Variants in C22orf31 observed in about 807,000 individuals in gnomAD.
C22orf31 encodes the protein uncharacterized protein C22orf31.
C22orf31 carries 11 observed loss-of-function variants against 15.0 expected under a neutral mutation model. That is an observed-to-expected ratio of 0.73 (90% CI 0.46 to 1.21). C22orf31 has a LOEUF of 1.21. Among genes scored for constraint, C22orf31 ranks in the 50% most tolerant of loss-of-function variants. The probability of loss-of-function intolerance (pLI) is 0.00; values close to 1 mark genes in which losing one functional copy is unlikely to be tolerated. For synonymous variants in C22orf31, 132 were observed against 133.3 expected, an observed-to-expected ratio of 0.99 and a Z score of 0.07; for missense variants, 340 against 347.2, an observed-to-expected ratio of 0.98 and a Z score of 0.17.
chr22:29,068,759 CTTTTTT>C, the C22orf31 span, among the ~76,000 whole-genome samples: 55,034 of 113,096 alleles, frequency 0.49, 12,573 homozygotes, highest in Middle Eastern at 0.66. Flanking sequence ...CAACCTGGTA[CTTTTTT>C]TTTTTTTTTT....
intron 2 of C22orf31, chr22:29,060,165 G>A: frequency 4.6e-6 from 1 of 217,436 alleles, no homozygotes; most frequent in Non-Finnish European, 7.7e-6. Flanking sequence ...CCAAGTAGCT[G>A]GGATCACAGG....
chr22:29,060,947 A>T lies in C22orf31; in HGVS notation c.4-104T>A, dbSNP rs1569304541. On this transcript the variant is annotated intron_variant, in intron 1 of 2. Transcript: ENST00000216071. Reference sequence around the variant, plus strand: ...AAATATTAACATCTTTTTATAGGCCATTCCTTCCACCCAGTTCTTAGAAAT... The same window carrying T: ...AAATATTAACATCTTTTTATAGGCCTTTCCTTCCACCCAGTTCTTAGAAAT... The T allele has an allele frequency of 3.2e-6, 3 of 947,534 alleles. No individual in the cohort carries two copies. In the South Asian group the frequency reaches 4.8e-5, roughly 15 times the overall value. The allele number at this position is 947,534 out of a possible 1,614,324, so 58.7% of individuals were successfully genotyped here. A position where few individuals can be genotyped will look rare whatever the true frequency, so the allele number is the denominator to read the frequency against.
chr22:29,073,414 G>A, the C22orf31 span, among the ~76,000 whole-genome samples: 91 of 151,590 alleles, frequency 6.0e-4, no homozygotes, highest in African/African-American at 2.0e-3. This position sits in a 1 kb window ranked among gnomAD's most constrained non-coding sequence, Gnocchi z 4.4. Context: ...CCCCAGGCCC[G>A]TCATCGACGC....
the C22orf31 span, chr22:29,072,972 G>C: frequency 6.6e-6 from 1 of 150,698 alleles, no homozygotes; most frequent in Non-Finnish European, 1.5e-5. Flanking sequence ...GGCTGCAGGG[G>C]CGGTGGCGGC....
chr22:29,061,407 C>T (rs181874830), intron 1 of C22orf31, among the ~76,000 whole-genome samples: 1 of 152,204 alleles, frequency 6.6e-6, no homozygotes, highest in East Asian at 1.9e-4. Flanking sequence ...GTTGAGATTA[C>T]AGGCATGCAC....
Position 29,061,814 on chromosome 22 carries a change from A to C in C22orf31, c.-22T>G. 6.5e-7 allele frequency: 1 copy of C among 1,532,212 alleles called. No homozygotes were observed. Among genetic ancestry groups the C allele is most frequent in the Non-Finnish European group, 8.9e-7 (1 of 1,118,508 alleles). The allele number at this position is 1,532,212 out of a possible 1,614,324, so 94.9% of individuals were successfully genotyped here. ...CCATATTTCAGTTGCCTTAAATTTT[A>C]TTTTCGCTAGCTTAGTAAGGGGAAG... On this transcript the variant is annotated 5_prime_UTR_variant, in exon 1 of 3. Coordinates refer to ENST00000216071, the MANE Select transcript of C22orf31 (RefSeq NM_015370.2).
At chr22:29,073,434 C>G in the C22orf31 span, among the ~76,000 whole-genome samples, 1 of 151,914 alleles carries the variant, frequency 6.6e-6, no homozygotes, top group African/African-American at 2.4e-5. This position sits in a 1 kb window ranked among gnomAD's most constrained non-coding sequence, Gnocchi z 4.4. Context: ...CCCCCGGGCC[C>G]GGTACTGTCC....
intron 2 of C22orf31, chr22:29,060,116 C>T: frequency 2.8e-6 from 1 of 355,880 alleles, no homozygotes; most frequent in Non-Finnish European, 3.9e-6. Context: ...ACTGCAGCCT[C>T]AACCTCCTGG....
At chr22:29,062,688 C>A (rs979099186), upstream of C22orf31, among the ~76,000 whole-genome samples, 1 of 151,984 alleles carries the variant, frequency 6.6e-6, no homozygotes, top group Non-Finnish European at 1.5e-5. Flanking sequence ...TGCCTGCTTG[C>A]GTTTTTAAGT....
intron 1 of C22orf31, among the ~76,000 whole-genome samples, chr22:29,061,550 G>A (rs957803252): frequency 6.6e-6 from 1 of 152,098 alleles, no homozygotes; most frequent in African/African-American, 2.4e-5. Context: ...ACCAGCATGA[G>A]CCACCATGTT....
chr22:29,069,204 A>C, the C22orf31 span, among the ~76,000 whole-genome samples: 1 of 152,122 alleles, frequency 6.6e-6, no homozygotes, highest in African/African-American at 2.4e-5. Context: ...TGCCTCCCTC[A>C]TAAGGCTACT....
At chr22:29,068,759 CTTTTTTTT>C in the C22orf31 span, among the ~76,000 whole-genome samples, 12 of 113,106 alleles carry the variant, frequency 1.1e-4, no homozygotes, top group Admixed American at 2.9e-4. Flanking sequence ...CAACCTGGTA[CTTTTTTTT>C]TTTTTTTTTT....
chr22:29,060,534 A>ATCTCT lies in C22orf31; in HGVS notation c.308_312dup (p.Leu105ArgfsTer3). 1.2e-6 allele frequency: 2 copies of ATCTCT among 1,613,948 alleles called. No homozygotes were observed. The highest frequency in any genetic ancestry group is 1.7e-6 in the Non-Finnish European group (2 of 1,179,982). On this transcript the variant is annotated frameshift_variant, in exon 2 of 3. Coordinates refer to ENST00000216071, the MANE Select transcript of C22orf31 (RefSeq NM_015370.2). LOFTEE classifies it high-confidence loss of function. ...ATCACTGAATCGTCCTTGTGCTTTA[A>ATCTCT]TCTCTTCGAGAGTTTTCCTTCTCCA...
the C22orf31 span, among the ~76,000 whole-genome samples, chr22:29,071,013 T>C: frequency 2.0e-5 from 3 of 152,258 alleles, no homozygotes; most frequent in South Asian, 6.2e-4. Context: ...CATCTTCTCA[T>C]TTCATTCTCT....
chr22:29,059,912 G>T (rs1295959699), intron 2 of C22orf31: 1 of 984,536 alleles, frequency 1.0e-6, no homozygotes, highest in South Asian at 4.7e-5. Flanking sequence ...TAAATAGCAT[G>T]ACCCCAAAAT....
At chr22:29,062,969 C>T (rs979066254), upstream of C22orf31, among the ~76,000 whole-genome samples, 11 of 151,884 alleles carry the variant, frequency 7.2e-5, no homozygotes, top group Admixed American at 3.3e-4. Context: ...AAAATGGCAC[C>T]GGGCTCCTGG....
At chr22:29,071,112 T>C in the C22orf31 span, among the ~76,000 whole-genome samples, 7 of 146,706 alleles carry the variant, frequency 4.8e-5, no homozygotes, top group Non-Finnish European at 3.0e-5. Context: ...CCCAAAATTG[T>C]GGAAAAGGGG....
At chr22:29,060,219 A>T in intron 2 of C22orf31, among the ~76,000 whole-genome samples, 196 bp downstream of exon 2, 2 of 141,474 alleles carry the variant, frequency 1.4e-5, no homozygotes, top group South Asian at 2.2e-4. Flanking sequence ...TTTAGTAGAG[A>T]TGAGGTCTCC....
intron 2 of C22orf31, among the ~76,000 whole-genome samples, 175 bp from the exon 3 acceptor site, chr22:29,059,357 C>T (rs1325969324): frequency 6.6e-6 from 1 of 152,090 alleles, no homozygotes; most frequent in Non-Finnish European, 1.5e-5. Context: ...TCCCCATAAC[C>T]CTGTGAGGTC....
Sources: gnomAD v4.1 joint callset for allele counts (sites outside exome capture counted in the v4.1 genomes callset) on GRCh38, gnomAD v4.1.1 for gene constraint, Gnocchi (gnomAD v3.1) non-coding constraint, MANE v1.5 for transcripts, NCBI Gene and HGNC (gene_info 2026-07-23, HGNC 2026-07-21) for gene names.